RASL12: variants seen among roughly 807,000 people sequenced by gnomAD.
RASL12 encodes the protein ras-like protein family member 12.
In RASL12, 16 loss-of-function variants were observed where a neutral mutation model predicts 22.9. The observed-to-expected ratio is 0.70, with a 90% CI of 0.47 to 1.06. RASL12 has a LOEUF of 1.06. Ranked by LOEUF, RASL12 falls within the 50% of genes least tolerant of loss-of-function variation. The pLI is 0.00. For synonymous variants in RASL12, 159 were observed against 152.2 expected (o/e 1.04, Z -0.33); for missense variants, 306 against 353.1 (o/e 0.87, Z 1.07).
rs1173913779 is a variant in RASL12 at position 65,058,566 on chromosome 15, C to G, written c.286G>C (p.Val96Leu). ...TGGCGGCTGTCGACGCTGTACACCA[C>G]CAGGAAGGCATGGGCCCAGTTCAGG... ...RYLNWAHAFL[V>L]VYSVDSRQSF... Residue 96 changes from valine to leucine, a missense_variant, in exon 4 of 5, where the codon GTG (valine) becomes CTG (leucine). Coordinates refer to ENST00000220062, the MANE Select transcript of RASL12 (RefSeq NM_016563.4). 1 of 1,606,558 alleles carries G rather than the reference C, an allele frequency of 6.2e-7. No individual in the cohort carries two copies. Among genetic ancestry groups the G allele is most frequent in the Non-Finnish European group, 8.5e-7 (1 of 1,174,848 alleles).
intron 4 of RASL12, among the ~76,000 whole-genome samples, chr15:65,057,384 G>A (rs1202531831): frequency 6.6e-6 from 1 of 152,170 alleles, no homozygotes. Context: ...TCAAGTTCAG[G>A]CATCACAGTG....
chr15:65,064,358 C>G (rs2086850976), intron 2 of RASL12, among the ~76,000 whole-genome samples: 1 of 152,190 alleles, frequency 6.6e-6, no homozygotes, highest in Non-Finnish European at 1.5e-5. Flanking sequence ...AGCTGACTGG[C>G]TCAAGGTTGC....
At chr15:65,061,590 T>G (rs777601740) in intron 2 of RASL12, among the ~76,000 whole-genome samples, 9 of 152,228 alleles carry the variant, frequency 5.9e-5, no homozygotes, top group Non-Finnish European at 1.0e-4. Context: ...ATGGGTTTCC[T>G]AACACCTGGT....
Position 65,053,436 on chromosome 15 carries a change from C to A in RASL12, c.*1463G>T. On this transcript the variant is annotated 3_prime_UTR_variant, in exon 5 of 5. Transcript: ENST00000220062. ...TGGCAGTGGTACACACACACATACA[C>A]ACACAAGTGGCCTGGAGCAAAAGTG... is the stretch of plus-strand genomic sequence containing the variant. 3 of 1,248,478 alleles carry A rather than the reference C, an allele frequency of 2.4e-6. No homozygotes were observed. The highest frequency in any genetic ancestry group is 3.0e-6 in the Non-Finnish European group (3 of 993,478). 77.3% of individuals were successfully genotyped at this position (1,248,478 alleles called of 1,614,324 possible). A position where few individuals can be genotyped will look rare whatever the true frequency, so the allele number is the denominator to read the frequency against.
chr15:65,051,438 C>G, downstream of RASL12: 1 of 1,399,500 alleles, frequency 7.1e-7, no homozygotes, highest in Non-Finnish European at 1.0e-6. Context: ...TGGGTCTGAG[C>G]CCAGGCCCCA....
At chr15:65,061,402 A>G (rs2086802681) in intron 2 of RASL12, among the ~76,000 whole-genome samples, 1 of 152,234 alleles carries the variant, frequency 6.6e-6, no homozygotes, top group Non-Finnish European at 1.5e-5. Flanking sequence ...GATGTGGAAC[A>G]TGCCTGCATG....
At position 65,053,900 on chromosome 15, in the gene RASL12, C is replaced by T. The variant is rs181230092; in HGVS notation, c.*999G>A. The T allele has an allele frequency of 3.6e-3, 3,539 of 985,828 alleles. 11 individuals are homozygous for T. The highest frequency in any genetic ancestry group is 4.0e-3 in the Non-Finnish European group (3,281 of 829,932). The allele number at this position is 985,828 out of a possible 1,614,324, so 61.1% of individuals were successfully genotyped here. A position where few individuals can be genotyped will look rare whatever the true frequency, so the allele number is the denominator to read the frequency against. ...CGGTGACACCACCAAATAACATAAG[C>T]AAAATTTTGCTTTATTAACCCAAAA... On this transcript the variant is annotated 3_prime_UTR_variant, in exon 5 of 5. Transcript: ENST00000220062.
intron 1 of RASL12, among the ~76,000 whole-genome samples, chr15:65,075,422 G>A (rs925186918): frequency 2.6e-5 from 4 of 152,258 alleles, no homozygotes; most frequent in Non-Finnish European, 5.9e-5. Flanking sequence ...GCATGGTGCA[G>A]GACTGGCAGG....
At chr15:65,070,199 T>C (rs1410635491), upstream of RASL12, among the ~76,000 whole-genome samples, 1 of 152,218 alleles carries the variant, frequency 6.6e-6, no homozygotes, top group African/African-American at 2.4e-5. Context: ...GCCCAGGAGA[T>C]GGAGGCTGCA....
At chr15:65,065,358 C>G (rs1428016642) in intron 1 of RASL12, 85 bp from the exon 2 acceptor site, 1 of 1,249,032 alleles carries the variant, frequency 8.0e-7, no homozygotes, top group African/African-American at 1.5e-5. Flanking sequence ...CTTATCTAAC[C>G]TCTGTGATCC....
upstream of RASL12, among the ~76,000 whole-genome samples, chr15:65,072,150 G>C (rs2086936411): frequency 6.6e-6 from 1 of 152,168 alleles, no homozygotes. Flanking sequence ...CTGGCCTTGG[G>C]GAAAGAAAGA....
chr15:65,053,621 G>A lies in RASL12; in HGVS notation c.*1278C>T. ...GTTTGCAATCCAACAGTAGTCCTGAGACGGCTGAGAGGGGAAGGAGCAGGC... is the reference window on the plus strand; with the variant it reads ...GTTTGCAATCCAACAGTAGTCCTGAAACGGCTGAGAGGGGAAGGAGCAGGC... On this transcript the variant is annotated 3_prime_UTR_variant, in exon 5 of 5. Coordinates refer to ENST00000220062, the MANE Select transcript of RASL12 (RefSeq NM_016563.4). The A allele has an allele frequency of 1.0e-6, 1 of 993,276 alleles. No homozygotes were observed. The highest frequency in any genetic ancestry group is 1.2e-6 in the Non-Finnish European group (1 of 834,846). 61.5% of individuals were successfully genotyped at this position (993,276 alleles called of 1,614,324 possible). A position where few individuals can be genotyped will look rare whatever the true frequency, so the allele number is the denominator to read the frequency against.
chr15:65,067,187 C>T (rs1177234128), intron 1 of RASL12, among the ~76,000 whole-genome samples: 2 of 150,440 alleles, frequency 1.3e-5, no homozygotes, highest in Admixed American at 6.6e-5. Context: ...CTCCCTTCTA[C>T]GGGGAGGGGG....
At chr15:65,066,046 A>T (rs200239801) in intron 1 of RASL12, among the ~76,000 whole-genome samples, 64 of 136,730 alleles carry the variant, frequency 4.7e-4, no homozygotes, top group African/African-American at 1.6e-3. Context: ...AAGAGTAGAG[A>T]AGAGAAGAGA....
chr15:65,076,234 A>G (rs1232701860), intron 1 of RASL12, among the ~76,000 whole-genome samples: 1 of 152,194 alleles, frequency 6.6e-6, no homozygotes, highest in Non-Finnish European at 1.5e-5. Context: ...CCTCTTTGCA[A>G]TAAATCTTGC....
intron 1 of RASL12, among the ~76,000 whole-genome samples, chr15:65,074,908 G>T (rs1022380085): frequency 1.1e-4 from 16 of 152,226 alleles, no homozygotes; most frequent in African/African-American, 3.4e-4. Flanking sequence ...CTCTGCCTGG[G>T]CTCCCACTTT....
chr15:65,074,850 G>T (rs1198991299), intron 1 of RASL12, among the ~76,000 whole-genome samples: 1 of 152,266 alleles, frequency 6.6e-6, no homozygotes, highest in Non-Finnish European at 1.5e-5. Flanking sequence ...ATTGAGAGGT[G>T]ACAGCATGCT....
Position 65,059,367 on chromosome 15 carries a change from C to T in RASL12, c.212G>A (p.Arg71Lys). Residue 71 changes from arginine (R) to lysine (K), a missense_variant, in exon 3 of 5, where the codon AGG becomes AAG. Transcript: ENST00000220062. ...TACCAGGTCTGCAGTGTCCATGACC[C>T]TCAGGTGGACAGGCTGGTGGTCCAC... ...ETVDHQPVHL[R>K]VMDTADLDTP... 6.2e-7 allele frequency: 1 copy of T among 1,614,088 alleles called. No individual in the cohort carries two copies. The highest frequency in any genetic ancestry group is 2.2e-5 in the East Asian group (1 of 44,892).
chr15:65,056,831 A>AC (rs1427689394), intron 4 of RASL12, among the ~76,000 whole-genome samples: 1 of 152,150 alleles, frequency 6.6e-6, no homozygotes, highest in Non-Finnish European at 1.5e-5. Context: ...ATAGGAATAC[A>AC]TTGTCCTGAG....
Sources: allele counts gnomAD v4.1 joint callset (sites outside exome capture counted in the v4.1 genomes callset), GRCh38; gene constraint gnomAD v4.1.1; transcripts MANE v1.5; gene names NCBI Gene and HGNC (gene_info 2026-07-23, HGNC 2026-07-21).